The following NIFK variants were observed in gnomAD, a reference collection of about 807,000 sequenced individuals.
NIFK encodes MKI67 FHA domain-interacting nucleolar phosphoprotein.
In NIFK, 16 loss-of-function variants were observed where a neutral mutation model predicts 31.7. The observed-to-expected ratio is 0.50, with a 90% confidence interval of 0.34 to 0.77. NIFK has a LOEUF of 0.77. Ranked by LOEUF, NIFK falls within the 30% of genes least tolerant of loss-of-function variation. The probability of loss-of-function intolerance (pLI) is 0.01; values close to 1 mark genes in which losing one functional copy is unlikely to be tolerated. For missense variants in NIFK, 341 were observed against 350.4 expected (o/e 0.97, Z 0.21); for synonymous variants, 126 against 123.0 (o/e 1.02, Z -0.16).
Position 121,727,802 on chromosome 2 carries a change from G to C in NIFK, c.804C>G (p.Ser268=). The stretch of plus-strand genomic sequence containing the variant: ...TCTCTTGTATTTCTTCTTTTACACA[G>C]GATATGGGCTGTTTGAAAACTATTT... ...DDEIVFKQPI[S]CVKEEIQETQ... The change falls in exon 7 of 7, where the codon TCC becomes TCG. Residue 268 remains serine, a synonymous_variant. Transcript: ENST00000285814. 6.2e-7 allele frequency: 1 copy of C among 1,612,274 alleles called. No individual in the cohort carries two copies. Among genetic ancestry groups the C allele is most frequent in the Non-Finnish European group, 8.5e-7 (1 of 1,179,582 alleles).
chr2:121,727,623 A>C lies in NIFK; in HGVS notation c.*101T>G. The C allele has an allele frequency of 1.0e-6, 1 of 979,482 alleles. No individual in the cohort carries two copies. Among genetic ancestry groups the C allele is most frequent in the South Asian group, 1.4e-5 (1 of 69,286 alleles). The allele number at this position is 979,482 out of a possible 1,614,324, so 60.7% of individuals were successfully genotyped here. A position where few individuals can be genotyped will look rare whatever the true frequency, so the allele number is the denominator to read the frequency against. On this transcript the variant is annotated 3_prime_UTR_variant, in exon 7 of 7. Transcript: ENST00000285814. The stretch of plus-strand genomic sequence containing the variant: ...GACCAAACAGTGTATTTTTCCTCTG[A>C]AAATCTTGTCAAAGGTTGTATTCCA...
chr2:121,736,803 C>A lies in NIFK; in HGVS notation c.48G>T (p.Pro16=), dbSNP rs149855862. The change falls in exon 1 of 7, where the codon CCG becomes CCT. Residue 16 remains proline, a synonymous_variant. Coordinates refer to ENST00000285814, the MANE Select transcript of NIFK (RefSeq NM_032390.5). ...CCTTTTGAAACTCGACATCTTCCTG[C>A]GGATTAAGCGACAGGATTGGCCCAG... ...GPAGPILSLN[P]QEDVEFQKEV... The A allele has an allele frequency of 7.9e-5, 127 of 1,614,048 alleles. 1 individual carries two copies. The highest frequency in any genetic ancestry group is 1.6e-4 in the Middle Eastern group (1 of 6,076).
rs1208511941 is a variant in NIFK, at chr2:121,727,385, A to C, written c.*339T>G. On this transcript the variant is annotated 3_prime_UTR_variant, in exon 7 of 7. Coordinates refer to ENST00000285814, the MANE Select transcript of NIFK (RefSeq NM_032390.5). ...GATTGGTGGTCTTTAATTGCTGGCG[A>C]CAGAAAAGGCTGCAGTTTAGTACTT... The C allele has an allele frequency of 2.0e-6, 1 of 496,582 alleles. No individual in the cohort carries two copies. The highest frequency in any genetic ancestry group is 4.1e-6 in the Non-Finnish European group (1 of 244,656). The allele number at this position is 496,582 out of a possible 1,614,324, so 30.8% of individuals were successfully genotyped here. A position where few individuals can be genotyped will look rare whatever the true frequency, so the allele number is the denominator to read the frequency against.
intron 2 of NIFK, among the ~76,000 whole-genome samples, chr2:121,732,742 G>T (rs2106442932): frequency 6.6e-6 from 1 of 152,012 alleles, no homozygotes; most frequent in East Asian, 1.9e-4. Context: ...TCAGCACTTT[G>T]GGAGGCCGAG....
chr2:121,728,209 G>T, intron 6 of NIFK, 79 bp downstream of exon 6: 1 of 896,434 alleles, frequency 1.1e-6, no homozygotes, highest in Admixed American at 2.6e-5. Context: ...ATCTTAAAAT[G>T]AGAGTAGCAG....
Position 121,732,153 on chromosome 2 carries a change from C to A in NIFK, c.295G>T (p.Ala99Ser), listed in dbSNP as rs750181605. ...TTCATTGTTTCAGCAACTATTTTGG[C>A]AACATCCTCAGACTCAAACTCCACA... ...AFVEFESEDV[A>S]KIVAETMNNY... is the part of the protein sequence containing the mutation. Residue 99 changes from alanine (A) to serine (S), a missense_variant, in exon 3 of 7, where the codon GCC becomes TCC. Transcript: ENST00000285814. 6.2e-7 allele frequency: 1 copy of A among 1,613,666 alleles called. No homozygotes were observed. Among genetic ancestry groups the A allele is most frequent in the Non-Finnish European group, 8.5e-7 (1 of 1,179,570 alleles).
chr2:121,730,661 T>C lies in NIFK; in HGVS notation c.564+232A>G. 6.4e-6 allele frequency: 3 copies of C among 467,924 alleles called. No individual in the cohort carries two copies. In the South Asian group the frequency reaches 7.8e-5, roughly 12 times the overall value. 29.0% of individuals were successfully genotyped at this position (467,924 alleles called of 1,614,324 possible). On this transcript the variant is annotated intron_variant, in intron 4 of 6. Coordinates refer to ENST00000285814, the MANE Select transcript of NIFK (RefSeq NM_032390.5). Reference sequence around the variant, plus strand: ...GAGTTCGAGACCAGCCTGGCCAACGTGGAGAAACCCCGTCTCTACTAAAAA... The same window carrying C: ...GAGTTCGAGACCAGCCTGGCCAACGCGGAGAAACCCCGTCTCTACTAAAAA...
intron 4 of NIFK, among the ~76,000 whole-genome samples, chr2:121,730,204 C>A (rs1368114680): frequency 1.3e-5 from 2 of 151,650 alleles, no homozygotes; most frequent in South Asian, 2.1e-4. Context: ...GGCAACACAG[C>A]AAGACTCTGT....
rs536943805 is a variant in NIFK at position 121,730,689 on chromosome 2, C to T, written c.564+204G>A. 276 of 548,992 alleles carry T rather than the reference C, an allele frequency of 5.0e-4. 2 individuals carry two copies. Among genetic ancestry groups the T allele is most frequent in the African/African-American group, 4.8e-3 (253 of 52,780 alleles). 34.0% of individuals were successfully genotyped at this position (548,992 alleles called of 1,614,324 possible). On this transcript the variant is annotated intron_variant, in intron 4 of 6. Coordinates refer to ENST00000285814, the MANE Select transcript of NIFK (RefSeq NM_032390.5). ...AGAAACCCCGTCTCTACTAAAAATA[C>T]AAAAATTAGCCAGACGTGGTGGTGT...
chr2:121,728,526 T>C lies in NIFK; in HGVS notation c.575A>G (p.Lys192Arg), dbSNP rs1317044728. Residue 192 changes from lysine (K) to arginine (R), a missense_variant, in exon 5 of 7, where the codon AAA becomes AGA. Physicochemically the swap from Lys to Arg is conservative, Grantham distance 26. Transcript: ENST00000285814. ...ATTAGTTTTTGAAATACTTTCCGTT[T>C]TCTGTAAAATCTTTAATAAAGAAGT... is the stretch of plus-strand genomic sequence containing the variant. ...DYDFPSLILQKTESISKTNRQ... is the reference protein window; with the variant it reads ...DYDFPSLILQRTESISKTNRQ... The C allele has an allele frequency of 1.3e-6, 2 of 1,575,334 alleles. No homozygotes were observed. The highest frequency in any genetic ancestry group is 4.5e-5 in the East Asian group (2 of 44,602).
rs373396608 is a variant in NIFK, at chr2:121,728,270, T to G, written c.693+18A>C. On this transcript the variant is annotated intron_variant, in intron 6 of 6. Coordinates refer to ENST00000285814, the MANE Select transcript of NIFK (RefSeq NM_032390.5). Reference sequence around the variant, plus strand: ...TTTCTATAATATCTGGTGTCTGGAGTATTGAAAACCATTTTACCTGGCTAT... The same window carrying G: ...TTTCTATAATATCTGGTGTCTGGAGGATTGAAAACCATTTTACCTGGCTAT... The G allele has an allele frequency of 6.7e-7, 1 of 1,493,126 alleles. No homozygotes were observed. The allele number at this position is 1,493,126 out of a possible 1,614,324, so 92.5% of individuals were successfully genotyped here. A position where few individuals can be genotyped will look rare whatever the true frequency, so the allele number is the denominator to read the frequency against.
At chr2:121,733,490 G>A (rs1248393590) in intron 2 of NIFK, among the ~76,000 whole-genome samples, 1 of 151,660 alleles carries the variant, frequency 6.6e-6, no homozygotes, top group Non-Finnish European at 1.5e-5. Context: ...ACTCCAGCCT[G>A]GGCAACAGAG....
chr2:121,734,411 T>A (rs2074565201), intron 2 of NIFK, among the ~76,000 whole-genome samples: 1 of 152,142 alleles, frequency 6.6e-6, no homozygotes, highest in South Asian at 2.1e-4. Context: ...AATATAATTT[T>A]AAAATAATAC....
Position 121,727,592 on chromosome 2 carries a change from T to C in NIFK, c.*132A>G. 1.2e-6 allele frequency: 1 copy of C among 820,462 alleles called. No homozygotes were observed. The highest frequency in any genetic ancestry group is 2.0e-6 in the Non-Finnish European group (1 of 491,500). 50.8% of individuals were successfully genotyped at this position (820,462 alleles called of 1,614,324 possible). A position where few individuals can be genotyped will look rare whatever the true frequency, so the allele number is the denominator to read the frequency against. On this transcript the variant is annotated 3_prime_UTR_variant, in exon 7 of 7. Transcript: ENST00000285814. The stretch of plus-strand genomic sequence containing the variant: ...ATCCAAAATTACACACTGCTTTCCT[T>C]AACTTGACCAAACAGTGTATTTTTC...
At chr2:121,729,300 G>A (rs990678423) in intron 4 of NIFK, among the ~76,000 whole-genome samples, 6 of 151,158 alleles carry the variant, frequency 4.0e-5, no homozygotes, top group South Asian at 2.1e-4. Flanking sequence ...CCTGGGAGGC[G>A]GAGGTTGCAG....
chr2:121,728,273 T>A lies in NIFK; in HGVS notation c.693+15A>T. On this transcript the variant is annotated intron_variant, in intron 6 of 6. Transcript: ENST00000285814. ...CTATAATATCTGGTGTCTGGAGTAT[T>A]GAAAACCATTTTACCTGGCTATCCA... 1 of 1,549,426 alleles carries A rather than the reference T, an allele frequency of 6.5e-7. No individual in the cohort carries two copies. Among genetic ancestry groups the A allele is most frequent in the Non-Finnish European group, 8.8e-7 (1 of 1,133,102 alleles).
In NIFK at chr2:121,736,869, T is replaced by C; in HGVS notation, c.-19A>G. On this transcript the variant is annotated 5_prime_UTR_variant, in exon 1 of 7. Transcript: ENST00000285814. ...TCGCCATGCCAAAAGCCGCCGACGC[T>C]AACCACGCGGCGCTCCCGGAAACGT... The C allele has an allele frequency of 6.2e-7, 1 of 1,601,418 alleles. No homozygotes were observed. Among genetic ancestry groups the C allele is most frequent in the Non-Finnish European group, 8.6e-7 (1 of 1,168,720 alleles).
At position 121,727,691 on chromosome 2, in the gene NIFK, A is replaced by T; in HGVS notation, c.*33T>A. 6.7e-7 allele frequency: 1 copy of T among 1,493,824 alleles called. No individual in the cohort carries two copies. The highest frequency in any genetic ancestry group is 9.2e-7 in the Non-Finnish European group (1 of 1,092,460). The allele number at this position is 1,493,824 out of a possible 1,614,324, so 92.5% of individuals were successfully genotyped here. ...CAAAGTCCACTCTCATAAAAATATTATATTTTTCAAAAGAAATATAATACA... is the reference window on the plus strand; with the variant it reads ...CAAAGTCCACTCTCATAAAAATATTTTATTTTTCAAAAGAAATATAATACA... On this transcript the variant is annotated 3_prime_UTR_variant, in exon 7 of 7. Transcript: ENST00000285814.
intron 4 of NIFK, 142 bp from the exon 5 acceptor site, chr2:121,728,678 A>C: frequency 3.6e-6 from 2 of 560,256 alleles, no homozygotes; most frequent in Non-Finnish European, 6.2e-6. Flanking sequence ...AAATACAGTG[A>C]ATTATCTCAA....
Sources: allele counts gnomAD v4.1 joint callset (sites outside exome capture counted in the v4.1 genomes callset), GRCh38; gene constraint gnomAD v4.1.1; transcripts MANE v1.5; gene names NCBI Gene and HGNC (gene_info 2026-07-23, HGNC 2026-07-21).